The following PCDH7 variants were observed in gnomAD, a reference collection of about 807,000 sequenced individuals.
PCDH7 encodes the protein protocadherin-7.
Under a neutral mutation model 58.9 loss-of-function variants are expected in PCDH7, and 17 were observed. The observed-to-expected ratio is 0.29, with a 90% CI of 0.20 to 0.43. The LOEUF is 0.43. Ranked by LOEUF, PCDH7 falls within the 20% of genes least tolerant of loss-of-function variation. The probability of loss-of-function intolerance (pLI) is 1.00; values close to 1 mark genes in which losing one functional copy is unlikely to be tolerated. For synonymous variants in PCDH7, 664 were observed against 616.4 expected, an observed-to-expected ratio of 1.08 and a Z score of -1.14; for missense variants, 1,274 against 1,441.0, an observed-to-expected ratio of 0.88 and a Z score of 1.88.
intron 3 of PCDH7, among the ~76,000 whole-genome samples, chr4:31,052,191 C>T (rs1472714980): frequency 6.6e-6 from 1 of 152,042 alleles, no homozygotes; most frequent in South Asian, 2.1e-4. Flanking sequence ...ATTTATCATG[C>T]CTGTTCCTTA....
At chr4:30,952,338 T>G (rs539203983) in intron 3 of PCDH7, among the ~76,000 whole-genome samples, 35 of 152,052 alleles carry the variant, frequency 2.3e-4, no homozygotes, top group African/African-American at 8.4e-4. Flanking sequence ...AAGGAAATTA[T>G]GAAAATTATA....
At position 30,966,495 on chromosome 4, in the gene PCDH7, A is replaced by C. The variant is rs538328324; in HGVS notation, c.*7+16280A>C. Among the ~76,000 whole-genome samples, 7 of 152,270 alleles carry C rather than the reference A, an allele frequency of 4.6e-5. No individual in the cohort carries two copies. The East Asian group carries it at 1.4e-3, about 29-fold the overall frequency. ...CCAAATTACAGAGTAATAGCTCTTA[A>C]ATTGCAGGAAAAATGTGGGGTGCCT... On this transcript the variant is annotated intron_variant, in intron 3 of 3. Coordinates refer to the PCDH7 transcript ENST00000509759.
intron 1 of PCDH7, among the ~76,000 whole-genome samples, chr4:30,758,940 G>GGT (rs1553880707): frequency 1.6e-5 from 2 of 124,250 alleles, no homozygotes; most frequent in African/African-American, 6.1e-5. Context: ...TTGAAGAAGT[G>GGT]TTTTTTTTTT....
chr4:30,763,519 G>A (rs1459850122), intron 1 of PCDH7, among the ~76,000 whole-genome samples: 1 of 152,172 alleles, frequency 6.6e-6, no homozygotes, highest in East Asian at 1.9e-4. Flanking sequence ...TCTCAACATT[G>A]AGGTACATTC....
chr4:31,023,347 T>A (rs1035708144), intron 3 of PCDH7, among the ~76,000 whole-genome samples: 1 of 152,202 alleles, frequency 6.6e-6, no homozygotes, highest in African/African-American at 2.4e-5. Context: ...GTATTTTATA[T>A]TTCACTATCC....
intron 3 of PCDH7, among the ~76,000 whole-genome samples, chr4:31,126,572 T>C (rs1270195932): frequency 6.6e-6 from 1 of 152,200 alleles, no homozygotes; most frequent in Non-Finnish European, 1.5e-5. Flanking sequence ...GTTAAGTCCA[T>C]TTCTTCTTAT....
intron 1 of PCDH7, among the ~76,000 whole-genome samples, chr4:30,846,653 G>A (rs535514540): frequency 6.6e-6 from 1 of 152,246 alleles, no homozygotes; most frequent in Non-Finnish European, 1.5e-5. Context: ...CCCAAGTTGT[G>A]AGGATCAAAA....
intron 3 of PCDH7, among the ~76,000 whole-genome samples, chr4:30,966,678 G>T (rs534491905): frequency 4.9e-4 from 75 of 152,162 alleles, no homozygotes; most frequent in Non-Finnish European, 9.3e-4. Context: ...TAGCCCAAAG[G>T]TTCCATATTG....
chr4:31,094,626 T>G (rs908440074), intron 3 of PCDH7, among the ~76,000 whole-genome samples: 1 of 152,054 alleles, frequency 6.6e-6, no homozygotes, highest in Non-Finnish European at 1.5e-5. Flanking sequence ...TGGGAGCAGT[T>G]TCATAGCATC....
At chr4:30,757,010 A>C (rs1420102359) in intron 1 of PCDH7, among the ~76,000 whole-genome samples, 1 of 152,182 alleles carries the variant, frequency 6.6e-6, no homozygotes, top group Non-Finnish European at 1.5e-5. Context: ...CACTATATCC[A>C]GGGGGTACTT....
intron 3 of PCDH7, among the ~76,000 whole-genome samples, chr4:31,030,232 C>T (rs769591865): frequency 6.6e-6 from 1 of 152,026 alleles, no homozygotes; most frequent in Non-Finnish European, 1.5e-5. Context: ...TCCTATAAGA[C>T]CTACCCTTGC....
At chr4:30,943,722 CTGTT>C (rs1158857658) in intron 2 of PCDH7, among the ~76,000 whole-genome samples, 18 of 150,376 alleles carry the variant, frequency 1.2e-4, no homozygotes, top group African/African-American at 4.1e-4. Flanking sequence ...TTTTTTTTTG[CTGTT>C]TTTTTTTTTT....
downstream of PCDH7, chr4:31,145,205 T>G (rs1720598718): frequency 6.6e-6 from 1 of 152,062 alleles, no homozygotes. Context: ...CCCAATGATG[T>G]TTGCACCCCA....
chr4:30,949,480 A>G (rs938014051), intron 2 of PCDH7, among the ~76,000 whole-genome samples: 1 of 152,146 alleles, frequency 6.6e-6, no homozygotes, highest in Non-Finnish European at 1.5e-5. Flanking sequence ...GTGCATTTAT[A>G]CTTTTTGAAA....
chr4:30,910,546 CAT>C (rs1346873421), intron 1 of PCDH7, among the ~76,000 whole-genome samples: 11 of 152,080 alleles, frequency 7.2e-5, no homozygotes, highest in African/African-American at 1.2e-4. Context: ...ATCCAACAAA[CAT>C]ATGAAAAAAA....
chr4:30,789,935 C>G (rs1177348271), intron 1 of PCDH7, among the ~76,000 whole-genome samples: 1 of 152,112 alleles, frequency 6.6e-6, no homozygotes. Context: ...CTAAACTTGG[C>G]TCAAGGAAAA....
At chr4:30,847,150 G>T (rs189426518) in intron 1 of PCDH7, among the ~76,000 whole-genome samples, 4 of 150,066 alleles carry the variant, frequency 2.7e-5, no homozygotes, top group Non-Finnish European at 4.4e-5. Context: ...AAAAAAAAAA[G>T]AATGCATTTT....
intron 3 of PCDH7, among the ~76,000 whole-genome samples, chr4:31,035,502 C>T (rs551501134): frequency 6.6e-6 from 1 of 152,264 alleles, no homozygotes; most frequent in South Asian, 2.1e-4. Context: ...GATTCACTCG[C>T]CTCAGCCTCC....
At chr4:30,907,314 C>T (rs1196209796) in intron 1 of PCDH7, among the ~76,000 whole-genome samples, 1 of 152,144 alleles carries the variant, frequency 6.6e-6, no homozygotes. Flanking sequence ...TCAGAGTGAA[C>T]AGGCAACCTA....
Sources: gnomAD v4.1 joint callset for allele counts (sites outside exome capture counted in the v4.1 genomes callset) on GRCh38, gnomAD v4.1.1 for gene constraint, MANE v1.5 for transcripts, NCBI Gene and HGNC (gene_info 2026-07-23, HGNC 2026-07-21) for gene names.